The following CTNNA3 variants were observed in gnomAD, a reference collection of about 807,000 sequenced individuals.
CTNNA3 encodes the protein catenin alpha-3.
In CTNNA3, 76 loss-of-function variants were observed where a neutral mutation model predicts 95.7. That is an observed-to-expected ratio of 0.79 (90% CI 0.66 to 0.96). CTNNA3 has a LOEUF of 0.96. Among genes scored for constraint, CTNNA3 ranks in the 40% least tolerant of loss-of-function variants. CTNNA3 has a pLI of 0.00. For synonymous variants in CTNNA3, 431 were observed against 374.4 expected (o/e 1.15, Z -1.74); for missense variants, 1,191 against 1,089.8 (o/e 1.09, Z -1.31).
At position 67,219,682 on chromosome 10, in the gene CTNNA3, T is replaced by C. The variant is rs140926333; in HGVS notation, c.768A>G (p.Ser256=). The change falls in exon 6 of 18, where the codon TCA becomes TCG. Residue 256 remains serine (S), a synonymous_variant. Coordinates refer to ENST00000433211, the MANE Select transcript of CTNNA3 (RefSeq NM_013266.4). ...QNALNVISNA[S]QGIQNMTTPP... ...GGGTTGTCATATTCTGGATCCCTTG[T>C]GAAGCATTTGAAATTACATTGAGAG... The C allele has an allele frequency of 5.0e-5, 80 of 1,614,180 alleles. No individual in the cohort carries two copies. The highest frequency in any genetic ancestry group is 3.7e-4 in the Admixed American group (22 of 60,018).
intron 5 of CTNNA3, among the ~76,000 whole-genome samples, chr10:67,297,356 A>T (rs909194952): frequency 6.6e-6 from 1 of 152,178 alleles, no homozygotes; most frequent in African/African-American, 2.4e-5. Context: ...ACCATCCATG[A>T]ATTACTGCAT....
chr10:66,331,894 G>A lies in CTNNA3; in HGVS notation c.1732+47258C>T, dbSNP rs551275570. Among the ~76,000 whole-genome samples, 36 of 152,134 alleles carry A rather than the reference G, an allele frequency of 2.4e-4. No homozygotes were observed. The East Asian group carries it at 6.8e-3, about 29-fold the overall frequency. ...TTGAATCTATAAATTACCTTGGGCA[G>A]CATGGCCATTTTCACGATATTGATT... On this transcript the variant is annotated intron_variant, in intron 12 of 17. Transcript: ENST00000433211.
intron 2 of CTNNA3, among the ~76,000 whole-genome samples, chr10:67,636,024 T>C (rs142634505): frequency 0.021 from 3,186 of 152,080 alleles, 38 homozygotes; most frequent in Middle Eastern, 0.054. Flanking sequence ...ACATGAACAA[T>C]AGGCAATCAG....
At chr10:67,413,396 C>G (rs1303242672) in intron 5 of CTNNA3, among the ~76,000 whole-genome samples, 1 of 152,132 alleles carries the variant, frequency 6.6e-6, no homozygotes, top group Non-Finnish European at 1.5e-5. Context: ...GAAGCCTTAA[C>G]TATACTAAAT....
chr10:66,671,775 T>G (rs1846669591), intron 9 of CTNNA3, among the ~76,000 whole-genome samples: 1 of 152,162 alleles, frequency 6.6e-6, no homozygotes, highest in South Asian at 2.1e-4. Context: ...TCTGAATGGC[T>G]TGAGGCAAAT....
intron 1 of CTNNA3, among the ~76,000 whole-genome samples, chr10:67,736,979 G>T (rs56314253): frequency 8.6e-4 from 130 of 150,820 alleles, no homozygotes; most frequent in African/African-American, 3.0e-3. Context: ...TTTTTTTTTG[G>T]GGGGGACAGC....
At chr10:67,701,383 A>G (rs1364811730) in intron 1 of CTNNA3, among the ~76,000 whole-genome samples, 3 of 152,218 alleles carry the variant, frequency 2.0e-5, no homozygotes, top group Admixed American at 1.3e-4. Flanking sequence ...GACAAAGGTC[A>G]GGTTACTCAC....
At chr10:66,652,057 A>C (rs1320114039) in intron 9 of CTNNA3, among the ~76,000 whole-genome samples, 1 of 150,846 alleles carries the variant, frequency 6.6e-6, no homozygotes, top group Non-Finnish European at 1.5e-5. Context: ...CATAATAAAA[A>C]GGAAGATCCC....
chr10:67,502,991 G>A (rs1254025464), intron 5 of CTNNA3, among the ~76,000 whole-genome samples: 2 of 152,184 alleles, frequency 1.3e-5, no homozygotes, highest in Non-Finnish European at 2.9e-5. Context: ...CTGACTCGCT[G>A]GCATTCCAGT....
intron 7 of CTNNA3, among the ~76,000 whole-genome samples, chr10:67,057,736 A>C (rs899885182): frequency 2.0e-5 from 3 of 152,000 alleles, no homozygotes; most frequent in Non-Finnish European, 4.4e-5. Flanking sequence ...CACCACCACG[A>C]TGAGCTTCTT....
chr10:67,644,931 A>C (rs1564805775), intron 2 of CTNNA3, among the ~76,000 whole-genome samples: 2 of 152,262 alleles, frequency 1.3e-5, no homozygotes, highest in South Asian at 2.1e-4. Context: ...TTTACATGTA[A>C]CAGAACTGTC....
chr10:66,673,309 C>T (rs1846731701), intron 9 of CTNNA3, among the ~76,000 whole-genome samples: 2 of 152,006 alleles, frequency 1.3e-5, no homozygotes, highest in Admixed American at 6.6e-5. Flanking sequence ...ACCATATAGA[C>T]ATATTACATA....
intron 13 of CTNNA3, among the ~76,000 whole-genome samples, chr10:66,111,669 C>T (rs1322193431): frequency 6.6e-6 from 1 of 152,090 alleles, no homozygotes; most frequent in African/African-American, 2.4e-5. Flanking sequence ...TGATTTGAGA[C>T]TGAAGTTGAG....
At position 67,497,256 on chromosome 10, in the gene CTNNA3, G is replaced by A. The variant is rs551855264; in HGVS notation, c.579+24586C>T. The stretch of plus-strand genomic sequence containing the variant: ...CTTCATCCATGTCCCTCCAAAGGAC[G>A]TGAACTCATCCTTTTTTATGGCTGC... On this transcript the variant is annotated intron_variant, in intron 5 of 17. Transcript: ENST00000433211. Among the ~76,000 whole-genome samples, 64 of 152,190 alleles carry A rather than the reference G, an allele frequency of 4.2e-4. 1 individual carries two copies. In the South Asian group the frequency reaches 0.01, roughly 25 times the overall value.
intron 7 of CTNNA3, among the ~76,000 whole-genome samples, chr10:66,880,482 C>T (rs927931350): frequency 1.3e-5 from 2 of 152,102 alleles, no homozygotes; most frequent in Admixed American, 1.3e-4. Context: ...GGGTCTGTTA[C>T]TCAAACATAG....
At chr10:66,844,715 T>A (rs542809174) in intron 7 of CTNNA3, among the ~76,000 whole-genome samples, 1 of 152,248 alleles carries the variant, frequency 6.6e-6, no homozygotes, top group East Asian at 1.9e-4. Flanking sequence ...CTGTTTCTTT[T>A]CATTACATTA....
chr10:67,184,233 A>G (rs975589436), intron 6 of CTNNA3, among the ~76,000 whole-genome samples: 3 of 152,108 alleles, frequency 2.0e-5, no homozygotes, highest in Non-Finnish European at 4.4e-5. Flanking sequence ...CCCAAACACT[A>G]TTACCATGAC....
intron 9 of CTNNA3, among the ~76,000 whole-genome samples, chr10:66,711,754 T>C (rs1478200863): frequency 1.3e-5 from 2 of 152,012 alleles, no homozygotes; most frequent in Non-Finnish European, 2.9e-5. Context: ...TTTCACCATG[T>C]CTGGTCTCGA....
At chr10:65,971,672 T>G (rs2133272755) in intron 16 of CTNNA3, among the ~76,000 whole-genome samples, 1 of 152,038 alleles carries the variant, frequency 6.6e-6, no homozygotes, top group South Asian at 2.1e-4. Flanking sequence ...ATTGAATCAG[T>G]AATAAAACAC....
Sources: allele counts gnomAD v4.1 joint callset (sites outside exome capture counted in the v4.1 genomes callset), GRCh38; gene constraint gnomAD v4.1.1; transcripts MANE v1.5; gene names NCBI Gene and HGNC (gene_info 2026-07-23, HGNC 2026-07-21).